COL4A2: variants seen among roughly 807,000 people sequenced by gnomAD.
The protein encoded by COL4A2 is collagen type IV alpha 2 chain, also known as collagen alpha-2(IV) chain.
A neutral mutation model predicts 200.2 loss-of-function variants in COL4A2; 99 were observed. The ratio of observed to expected loss-of-function variants is 0.49; its 90% CI spans 0.42 to 0.58. The LOEUF is 0.58. Ranked by LOEUF, COL4A2 falls within the 20% of genes least tolerant of loss-of-function variation. COL4A2 has a pLI of 0.00. For synonymous variants in COL4A2, 897 were observed against 900.6 expected (o/e 1.00, Z 0.07); for missense variants, 1,950 against 2,314.1 (o/e 0.84, Z 3.23).
At chr13:110,458,134 C>G (rs961768824) in intron 21 of COL4A2, 1 of 470,416 alleles carries the variant, frequency 2.1e-6, no homozygotes, top group African/African-American at 2.0e-5. Flanking sequence ...GCAGTGCATT[C>G]AGCACCCCGC....
At chr13:110,465,916 C>G (rs1882222587) in intron 25 of COL4A2, 87 bp from the exon 26 acceptor site, 1 of 1,496,544 alleles carries the variant, frequency 6.7e-7, no homozygotes, top group Non-Finnish European at 9.2e-7. Context: ...ATACGACACA[C>G]CTTCACACAC....
chr13:110,472,167 G>GGAC (rs1882495259), intron 28 of COL4A2, among the ~76,000 whole-genome samples: 4 of 108,310 alleles, frequency 3.7e-5, no homozygotes, highest in Middle Eastern at 5.7e-3. Context: ...CCAGGCTGGA[G>GGAC]TGCAGTGGTG....
Position 110,489,505 on chromosome 13 carries a change from T to A in COL4A2, c.3268T>A (p.Phe1090Ile), listed in dbSNP as rs1404126493. 6.2e-7 allele frequency: 1 copy of A among 1,614,148 alleles called. No homozygotes were observed. Among genetic ancestry groups the A allele is most frequent in the East Asian group, 2.2e-5 (1 of 44,876 alleles). ...LYGEIGATGD[F>I]GDIGDTINLP... The stretch of plus-strand genomic sequence containing the variant: ...TGGCGAGATTGGCGCGACTGGTGAT[T>A]TCGGTGAGTGTTGCCCGTCCAGTGA... Residue 1090 changes from phenylalanine (F) to isoleucine (I), a missense_variant, in exon 35 of 48, where the codon TTC (phenylalanine) becomes ATC (isoleucine). Transcript: ENST00000360467.
At chr13:110,317,986 G>A (rs965979786) in intron 3 of COL4A2, among the ~76,000 whole-genome samples, 3 of 152,150 alleles carry the variant, frequency 2.0e-5, no homozygotes, top group Non-Finnish European at 2.9e-5. Flanking sequence ...TCACCGCCCC[G>A]TGTTTGTGCT....
chr13:110,392,154 C>T (rs920995802), intron 4 of COL4A2, among the ~76,000 whole-genome samples: 1 of 152,056 alleles, frequency 6.6e-6, no homozygotes, highest in Non-Finnish European at 1.5e-5. Context: ...CTGAAAGTCA[C>T]GGTTGAATAT....
intron 12 of COL4A2, 142 bp downstream of exon 12, chr13:110,434,584 T>C: frequency 1.2e-6 from 1 of 835,448 alleles, no homozygotes. Context: ...AGGGAAATAA[T>C]CATTGCAAAG....
chr13:110,424,353 A>G (rs1880378881), intron 4 of COL4A2, among the ~76,000 whole-genome samples: 1 of 150,820 alleles, frequency 6.6e-6, no homozygotes, highest in South Asian at 2.1e-4. Context: ...ACATTTCCAC[A>G]GTTACTGGAT....
chr13:110,466,801 T>C (rs1427772333), intron 26 of COL4A2, among the ~76,000 whole-genome samples: 1 of 152,178 alleles, frequency 6.6e-6, no homozygotes, highest in Non-Finnish European at 1.5e-5. Context: ...ACAGTGCCAG[T>C]TTTTATTTGA....
At chr13:110,389,865 C>CAAA (rs5806852) in intron 4 of COL4A2, among the ~76,000 whole-genome samples, 73 of 148,350 alleles carry the variant, frequency 4.9e-4, no homozygotes, top group Middle Eastern at 3.4e-3. Context: ...CTTTCTAAAG[C>CAAA]AAAAAAAAAA....
At chr13:110,509,905 G>A (rs9559833) in intron 47 of COL4A2, among the ~76,000 whole-genome samples, 14,722 of 152,218 alleles carry the variant, frequency 0.097, 903 homozygotes, top group East Asian at 0.25. Flanking sequence ...GGATAAGTGA[G>A]CAGACACATC....
intron 3 of COL4A2, among the ~76,000 whole-genome samples, chr13:110,352,561 T>A (rs1239624189): frequency 1.3e-5 from 2 of 152,204 alleles, no homozygotes; most frequent in Non-Finnish European, 2.9e-5. Flanking sequence ...GTGAATGAAT[T>A]TGTAAAGTGA....
At chr13:110,468,576 C>T (rs1030663454) in intron 27 of COL4A2, among the ~76,000 whole-genome samples, 4 of 152,316 alleles carry the variant, frequency 2.6e-5, no homozygotes, top group African/African-American at 9.6e-5. Context: ...CTGGGAGCCC[C>T]TTGCTGGCCT....
intron 11 of COL4A2, 95 bp downstream of exon 11, chr13:110,432,455 C>A (rs1343167973): frequency 3.5e-6 from 5 of 1,415,434 alleles, no homozygotes; most frequent in South Asian, 1.6e-5. Context: ...TGGTTGGCAA[C>A]TATTTATTGT....
chr13:110,484,333 T>C (rs1204609948), intron 32 of COL4A2, among the ~76,000 whole-genome samples: 1 of 152,158 alleles, frequency 6.6e-6, no homozygotes, highest in East Asian at 1.9e-4. Flanking sequence ...CAGATTTCAC[T>C]TACTCCTCCA....
chr13:110,497,390 C>T (rs1422186967), intron 40 of COL4A2, among the ~76,000 whole-genome samples: 2 of 151,914 alleles, frequency 1.3e-5, no homozygotes, highest in Admixed American at 1.3e-4. Flanking sequence ...ACCAGCACAA[C>T]CTCCACTCAG....
intron 29 of COL4A2, among the ~76,000 whole-genome samples, chr13:110,474,960 A>G (rs1882648346): frequency 1.5e-5 from 2 of 132,196 alleles, no homozygotes; most frequent in African/African-American, 2.8e-5. Flanking sequence ...ACGATCACAC[A>G]CACGTACATA....
chr13:110,470,615 A>G (rs1342667958), intron 28 of COL4A2, among the ~76,000 whole-genome samples: 1 of 152,142 alleles, frequency 6.6e-6, no homozygotes, highest in Non-Finnish European at 1.5e-5. Flanking sequence ...CCCACTTATC[A>G]GGATTCTTTT....
chr13:110,377,895 G>GA (rs531260763), intron 4 of COL4A2, among the ~76,000 whole-genome samples: 32 of 151,870 alleles, frequency 2.1e-4, no homozygotes, highest in East Asian at 3.9e-4. Flanking sequence ...AACTTTTCTG[G>GA]AAAAAAAAGT....
chr13:110,430,925 G>A (rs1880657228), intron 10 of COL4A2: 1 of 552,546 alleles, frequency 1.8e-6, no homozygotes, highest in African/African-American at 1.9e-5. Flanking sequence ...CCCTGGGCAA[G>A]GCAAACCAAA....
Sources: gnomAD v4.1 joint callset for allele counts (sites outside exome capture counted in the v4.1 genomes callset) on GRCh38, gnomAD v4.1.1 for gene constraint, MANE v1.5 for transcripts, NCBI Gene and HGNC (gene_info 2026-07-23, HGNC 2026-07-21) for gene names.